Variants in TAF1B observed in about 807,000 individuals in gnomAD.
TAF1B encodes the protein TATA-box binding protein associated factor, RNA polymerase I subunit B, also known as TATA box-binding protein-associated factor RNA polymerase I subunit B.
TAF1B carries 61 observed loss-of-function variants against 83.9 expected under a neutral mutation model. That is an observed-to-expected ratio of 0.73 (90% CI 0.59 to 0.90). TAF1B has a LOEUF of 0.90. Among genes scored for constraint, TAF1B ranks in the 40% least tolerant of loss-of-function variants. The pLI is 0.00. For synonymous variants in TAF1B, 221 were observed against 224.6 expected (o/e 0.98, Z 0.14); for missense variants, 625 against 677.0 (o/e 0.92, Z 0.85).
At chr2:9,893,237 ATCTG>A (rs1664923802) in intron 8 of TAF1B, among the ~76,000 whole-genome samples, 1 of 151,598 alleles carries the variant, frequency 6.6e-6, no homozygotes, top group Admixed American at 6.6e-5. Context: ...CATTTTTCCT[ATCTG>A]TCTACCTACC....
chr2:9,881,018 A>G (rs1336727421), intron 7 of TAF1B, among the ~76,000 whole-genome samples: 1 of 152,146 alleles, frequency 6.6e-6, no homozygotes, highest in Non-Finnish European at 1.5e-5. Context: ...TAGAGTAAAA[A>G]TTAAAACACA....
At chr2:9,893,324 T>C (rs1206063580) in intron 8 of TAF1B, among the ~76,000 whole-genome samples, 1 of 152,124 alleles carries the variant, frequency 6.6e-6, no homozygotes, top group African/African-American at 2.4e-5. Context: ...CCATTACTCC[T>C]GAGTACTTTA....
chr2:9,901,334 G>A (rs534725035), intron 8 of TAF1B, among the ~76,000 whole-genome samples: 1 of 151,788 alleles, frequency 6.6e-6, no homozygotes, highest in Admixed American at 6.6e-5. Context: ...CTAATCTATA[G>A]GATAGATAGG....
At position 9,855,914 on chromosome 2, in the gene TAF1B, T is replaced by C. The variant is rs552968671; in HGVS notation, c.399+1493T>C. 3.9e-5 allele frequency among the ~76,000 whole-genome samples: 6 copies of C among 152,338 alleles called. No individual in the cohort carries two copies. In the South Asian group the frequency reaches 1.2e-3, roughly 32 times the overall value. ...GGGTGCTTGAAGTATAGTTTTGACTTTGTGCATATTGCTTGCACCGTAGTA... is the reference window on the plus strand; with the variant it reads ...GGGTGCTTGAAGTATAGTTTTGACTCTGTGCATATTGCTTGCACCGTAGTA... On this transcript the variant is annotated intron_variant, in intron 5 of 14. Coordinates refer to ENST00000263663, the MANE Select transcript of TAF1B (RefSeq NM_005680.3).
intron 14 of TAF1B, among the ~76,000 whole-genome samples, chr2:9,930,445 G>A (rs1317666974): frequency 1.3e-5 from 2 of 152,178 alleles, no homozygotes; most frequent in Non-Finnish European, 2.9e-5. Context: ...TCAGGAACAG[G>A]TTGTTCAGTT....
chr2:9,892,974 C>CAG (rs1312083547), intron 8 of TAF1B, among the ~76,000 whole-genome samples: 4 of 152,092 alleles, frequency 2.6e-5, no homozygotes, highest in African/African-American at 9.7e-5. Flanking sequence ...GGTAAAAAAG[C>CAG]AGAGAGACTT....
In TAF1B at chr2:9,889,735, T is replaced by C. The variant is rs149829513; in HGVS notation, c.807+6930T>C. On this transcript the variant is annotated intron_variant, in intron 8 of 14. Coordinates refer to ENST00000263663, the MANE Select transcript of TAF1B (RefSeq NM_005680.3). ...GTAACTTGAAGAACAGTTTAATCCT[T>C]TAGAAGCTTGTTTTTAAGTTTTGTT... 3.0e-4 allele frequency among the ~76,000 whole-genome samples: 46 copies of C among 152,302 alleles called. No individual in the cohort carries two copies. The East Asian group carries it at 8.7e-3, about 29-fold the overall frequency.
In TAF1B at chr2:9,914,363, G is replaced by T. The variant is rs140478351; in HGVS notation, c.1271+1114G>T. On this transcript the variant is annotated intron_variant, in intron 12 of 14. Transcript: ENST00000263663. This position sits in a 1 kb window ranked among gnomAD's most constrained non-coding sequence, Gnocchi z 4.3. ...CAGAGAAGGAGTGACTCTTCAGTCA[G>T]TGGCTCTCAGTGGGCACAAGAATAG... 3.0e-3 allele frequency among the ~76,000 whole-genome samples: 453 copies of T among 152,312 alleles called. 1 individual carries two copies. The highest frequency in any genetic ancestry group is 4.7e-3 in the Non-Finnish European group (319 of 68,030).
Position 9,913,231 on chromosome 2 carries a change from G to A in TAF1B, c.1253G>A (p.Trp418Ter), listed in dbSNP as rs756370212. 1 of 1,613,382 alleles carries A rather than the reference G, an allele frequency of 6.2e-7. No homozygotes were observed. The highest frequency in any genetic ancestry group is 1.1e-5 in the South Asian group (1 of 90,878). Reference sequence around the variant, plus strand: ...GCTTTTGATGAGAAAAAACAAAAATGGGAAGAAGCAAGGGCCAAGTATGTT... The same window carrying A: ...GCTTTTGATGAGAAAAAACAAAAATAGGAAGAAGCAAGGGCCAAGTATGTT... Reference protein sequence around the residue: ...KKAFDEKKQKWEEARAKYLWK... With the variant: ...KKAFDEKKQK Residue 418 changes from tryptophan (W) to a stop codon, truncating the protein, a stop_gained, in exon 12 of 15, where the codon TGG becomes TAG. Coordinates refer to ENST00000263663, the MANE Select transcript of TAF1B (RefSeq NM_005680.3). LOFTEE classifies it high-confidence loss of function.
chr2:9,863,543 CAG>C (rs1392282323), intron 5 of TAF1B, among the ~76,000 whole-genome samples: 2 of 152,142 alleles, frequency 1.3e-5, no homozygotes, highest in African/African-American at 4.8e-5. Context: ...ATCAATGAGA[CAG>C]AAAGTTAACA....
In TAF1B at chr2:9,843,527, T is replaced by C. The variant is rs2125130980; in HGVS notation, c.-15T>C. On this transcript the variant is annotated 5_prime_UTR_variant, in exon 1 of 15. Coordinates refer to ENST00000263663, the MANE Select transcript of TAF1B (RefSeq NM_005680.3). Reference sequence around the variant, plus strand: ...GGTAACGGGTCCCGGCTGTGGAAGCTCCCGCGGCGCCGCGATGGACCTCGA... The same window carrying C: ...GGTAACGGGTCCCGGCTGTGGAAGCCCCCGCGGCGCCGCGATGGACCTCGA... 2 of 1,522,022 alleles carry C rather than the reference T, an allele frequency of 1.3e-6. No homozygotes were observed. The highest frequency in any genetic ancestry group is 1.2e-5 in the South Asian group (1 of 81,970). The allele number at this position is 1,522,022 out of a possible 1,614,324, so 94.3% of individuals were successfully genotyped here.
intron 6 of TAF1B, among the ~76,000 whole-genome samples, chr2:9,870,701 A>G (rs1197480872): frequency 6.6e-6 from 1 of 152,108 alleles, no homozygotes; most frequent in Non-Finnish European, 1.5e-5. Context: ...CAGTACATGC[A>G]TGTGCATTTC....
chr2:9,926,555 A>G (rs899116791), intron 14 of TAF1B, among the ~76,000 whole-genome samples: 52 of 152,144 alleles, frequency 3.4e-4, no homozygotes, highest in African/African-American at 1.1e-3. Context: ...ATTGGCAGTT[A>G]TGGCCAGGTG....
At chr2:9,927,105 G>GT (rs1434153285) in intron 14 of TAF1B, among the ~76,000 whole-genome samples, 1 of 141,130 alleles carries the variant, frequency 7.1e-6, no homozygotes, top group African/African-American at 2.6e-5. Context: ...CCACTTATGA[G>GT]TGAGAACATA....
chr2:9,897,156 G>A (rs1427614713), intron 8 of TAF1B, among the ~76,000 whole-genome samples: 1 of 152,062 alleles, frequency 6.6e-6, no homozygotes, highest in Non-Finnish European at 1.5e-5. Context: ...CCTTTCAGGG[G>A]CACCATCTCT....
chr2:9,933,166 C>T (rs1309890220), intron 14 of TAF1B, among the ~76,000 whole-genome samples: 1 of 152,196 alleles, frequency 6.6e-6, no homozygotes, highest in African/African-American at 2.4e-5. Flanking sequence ...TGGGCTGCAC[C>T]CACTGTGCAG....
Position 9,904,937 on chromosome 2 carries a change from A to T in TAF1B, c.886A>T (p.Ile296Leu). 1 of 1,612,666 alleles carries T rather than the reference A, an allele frequency of 6.2e-7. No homozygotes were observed. Among genetic ancestry groups the T allele is most frequent in the Non-Finnish European group, 8.5e-7 (1 of 1,178,686 alleles). Reference sequence around the variant, plus strand: ...TTTAGATTTGCCTCGTTTTCCAGACATAACTGAAGACTGCTATCTTCATCC... The same window carrying T: ...TTTAGATTTGCCTCGTTTTCCAGACTTAACTGAAGACTGCTATCTTCATCC... ...TFLDLPRFPD[I>L]TEDCYLHPNI... The change falls in exon 9 of 15, where the codon ATA becomes TTA. Residue 296 changes from isoleucine to leucine, a missense_variant. Physicochemically the swap from Ile to Leu is conservative, Grantham distance 5 (BLOSUM62 2). Transcript: ENST00000263663.
chr2:9,860,982 C>T (rs1663733643), intron 5 of TAF1B, among the ~76,000 whole-genome samples: 1 of 152,140 alleles, frequency 6.6e-6, no homozygotes, highest in Non-Finnish European at 1.5e-5. Context: ...CCAAGATGGC[C>T]AAATAGGAAC....
chr2:9,927,633 A>G (rs1192310954), intron 14 of TAF1B, among the ~76,000 whole-genome samples: 1 of 152,116 alleles, frequency 6.6e-6, no homozygotes, highest in African/African-American at 2.4e-5. Context: ...GATGATGAGC[A>G]TTTTTTCATG....
Sources: allele counts gnomAD v4.1 joint callset (sites outside exome capture counted in the v4.1 genomes callset), GRCh38; gene constraint gnomAD v4.1.1; non-coding constraint Gnocchi (gnomAD v3.1); transcripts MANE v1.5; gene names NCBI Gene and HGNC (gene_info 2026-07-23, HGNC 2026-07-21).